The following RGS9 variants were observed in gnomAD, a reference collection of about 807,000 sequenced individuals.
The protein encoded by RGS9 is regulator of G-protein signalling 9.
Under a neutral mutation model 102.0 loss-of-function variants are expected in RGS9, and 78 were observed. The observed-to-expected ratio is 0.76, with a 90% confidence interval of 0.64 to 0.92. The LOEUF is 0.92. Ranked by LOEUF, RGS9 falls within the 40% of genes least tolerant of loss-of-function variation. The probability of loss-of-function intolerance (pLI) is 0.00; values close to 1 mark genes in which losing one functional copy is unlikely to be tolerated. For missense variants in RGS9, 833 were observed against 866.1 expected, an observed-to-expected ratio of 0.96 and a Z score of 0.48; for synonymous variants, 353 against 318.6, an observed-to-expected ratio of 1.11 and a Z score of -1.15.
intron 15 of RGS9, among the ~76,000 whole-genome samples, chr17:65,205,791 A>G (rs555590902): frequency 2.0e-5 from 3 of 151,926 alleles, no homozygotes; most frequent in Admixed American, 1.3e-4. Context: ...TGTGATATAG[A>G]TTATGTAATA....
chr17:65,181,836 G>A (rs954746994), intron 9 of RGS9, among the ~76,000 whole-genome samples: 1 of 152,224 alleles, frequency 6.6e-6, no homozygotes, highest in Non-Finnish European at 1.5e-5. Context: ...AGAGGATTAA[G>A]CAGGATCACT....
Position 65,197,119 on chromosome 17 carries a change from C to T in RGS9, c.861-7C>T, listed in dbSNP as rs1307536120. 1 of 1,606,972 alleles carries T rather than the reference C, an allele frequency of 6.2e-7. No individual in the cohort carries two copies. Among genetic ancestry groups the T allele is most frequent in the Admixed American group, 1.7e-5 (1 of 59,812 alleles). On this transcript the variant is annotated splice_region_variant and splice_polypyrimidine_tract_variant and intron_variant, in intron 12 of 18. Coordinates refer to ENST00000262406, the MANE Select transcript of RGS9 (RefSeq NM_003835.4). ...CTCTCTGGTGCATTTACAAATCATC[C>T]TTGCAGGGTGGAAATCCCAACCAAG...
intron 17 of RGS9, among the ~76,000 whole-genome samples, chr17:65,220,326 G>A (rs867217701): frequency 6.6e-6 from 1 of 152,226 alleles, no homozygotes; most frequent in East Asian, 1.9e-4. Flanking sequence ...ATATATTTGA[G>A]GGGAGGAGGG....
At chr17:65,149,263 C>T (rs1011195456) in intron 1 of RGS9, among the ~76,000 whole-genome samples, 2 of 152,132 alleles carry the variant, frequency 1.3e-5, no homozygotes, top group Non-Finnish European at 2.9e-5. Flanking sequence ...CATGAGCCAT[C>T]GCACCGGGCC....
At position 65,160,280 on chromosome 17, in the gene RGS9, C is replaced by T. The variant is rs780750424; in HGVS notation, c.253C>T (p.Pro85Ser). ...TATTGTCAGGTATGGCTACATTTAC[C>T]CCCTGCAAGACCCCAAGAATCTCAT... ...NFIVRYGYIY[P>S]LQDPKNLILK... The change falls in exon 4 of 19, where the codon CCC (proline) becomes TCC (serine). Residue 85 changes from proline (P) to serine (S), a missense_variant. Coordinates refer to ENST00000262406, the MANE Select transcript of RGS9 (RefSeq NM_003835.4). 6.2e-7 allele frequency: 1 copy of T among 1,614,198 alleles called. No homozygotes were observed. Among genetic ancestry groups the T allele is most frequent in the South Asian group, 1.1e-5 (1 of 91,080 alleles).
intron 17 of RGS9, among the ~76,000 whole-genome samples, chr17:65,212,656 G>A (rs943161739): frequency 6.6e-6 from 1 of 152,220 alleles, no homozygotes; most frequent in African/African-American, 2.4e-5. Context: ...GTTCTAAGGA[G>A]TCTGTGGTCA....
rs1911583272 is a variant in RGS9, at chr17:65,175,271, G to C, written c.583-2461G>C. On this transcript the variant is annotated intron_variant, in intron 8 of 18. Transcript: ENST00000262406. The stretch of plus-strand genomic sequence containing the variant: ...TGCATATGTATGTATGAGAGTGTGT[G>C]GGTGTGTGAGTGTGAGTGTGAGAGT... Among the ~76,000 whole-genome samples the C allele has an allele frequency of 2.0e-5, 3 of 152,076 alleles. No individual in the cohort carries two copies. The South Asian group carries it at 6.2e-4, about 32-fold the overall frequency.
intron 17 of RGS9, 69 bp downstream of exon 17, chr17:65,210,674 C>T (rs1362027186): frequency 2.5e-6 from 4 of 1,602,292 alleles, no homozygotes; most frequent in Non-Finnish European, 3.4e-6. Flanking sequence ...TCTGTGATTC[C>T]TGGGGGTGGG....
rs1910670234 is a variant in RGS9 at position 65,153,733 on chromosome 17, A to G, written c.154+215A>G. Among the ~76,000 whole-genome samples, 4 of 152,034 alleles carry G rather than the reference A, an allele frequency of 2.6e-5. No individual in the cohort carries two copies. The South Asian group carries it at 8.3e-4, about 32-fold the overall frequency. ...GGTGAAACCTTGTCTCTATTAAAAT[A>G]CAAAAAATTAGCTGGGCATGGTGGC... On this transcript the variant is annotated intron_variant, in intron 2 of 18. Transcript: ENST00000262406.
intron 8 of RGS9, among the ~76,000 whole-genome samples, chr17:65,174,369 G>T (rs1911534271): frequency 6.6e-6 from 1 of 152,172 alleles, no homozygotes; most frequent in Non-Finnish European, 1.5e-5. Context: ...GTGTGTGAGT[G>T]TGAGTGCATG....
chr17:65,195,456 T>C (rs536721737), intron 12 of RGS9, among the ~76,000 whole-genome samples: 2 of 152,276 alleles, frequency 1.3e-5, no homozygotes, highest in South Asian at 4.1e-4. Flanking sequence ...CAAATATATA[T>C]ATACACATAT....
rs1911510769 is a variant in RGS9 at position 65,173,790 on chromosome 17, G to C, written c.583-3942G>C. ...CAGAAACTGTGTCAGCAGCACTCTG[G>C]TGATGATCATAGTGGGTCAAAGACT... On this transcript the variant is annotated intron_variant, in intron 8 of 18. Coordinates refer to ENST00000262406, the MANE Select transcript of RGS9 (RefSeq NM_003835.4). The surrounding 1 kb of genome is among the most constrained non-coding windows in gnomAD (Gnocchi z 4.8). Among the ~76,000 whole-genome samples, 1 of 152,220 alleles carries C rather than the reference G, an allele frequency of 6.6e-6. No individual in the cohort carries two copies. Among genetic ancestry groups the C allele is most frequent in the African/African-American group, 2.4e-5 (1 of 41,450 alleles).
At chr17:65,219,799 A>G (rs1304406794) in intron 17 of RGS9, among the ~76,000 whole-genome samples, 1 of 152,092 alleles carries the variant, frequency 6.6e-6, no homozygotes, top group Non-Finnish European at 1.5e-5. Flanking sequence ...CACCATCATC[A>G]TTGTCACCAC....
intron 17 of RGS9, among the ~76,000 whole-genome samples, chr17:65,219,134 C>A (rs954765537): frequency 2.0e-5 from 3 of 152,224 alleles, no homozygotes; most frequent in Non-Finnish European, 4.4e-5. Context: ...AAGCTCTATG[C>A]AGCTCCTAGG....
At chr17:65,163,187 T>G (rs994921253) in intron 7 of RGS9, 98 bp downstream of exon 7, 1 of 606,650 alleles carries the variant, frequency 1.6e-6, no homozygotes, top group Admixed American at 3.7e-5. Context: ...TTTTTATTTT[T>G]TTTTTGAGAC....
At position 65,160,894 on chromosome 17, in the gene RGS9, G is replaced by A. The variant is rs756361472; in HGVS notation, c.408G>A (p.Leu136=). ...AKRNIKKKGI[L]EEYEKENYNF... is the part of the protein sequence containing the mutation. ...GAAATATCAAAAAGAAAGGGATTTT[G>A]GAAGAATATGAAAAGGTATGGAGGT... The change falls in exon 6 of 19, where the codon TTG becomes TTA. Residue 136 remains leucine (L), a synonymous_variant. Transcript: ENST00000262406. 23 of 1,613,578 alleles carry A rather than the reference G, an allele frequency of 1.4e-5. No homozygotes were observed. Among genetic ancestry groups the A allele is most frequent in the Non-Finnish European group, 1.9e-5 (22 of 1,179,566 alleles).
chr17:65,210,009 T>C (rs140195241), intron 16 of RGS9, among the ~76,000 whole-genome samples: 38 of 152,150 alleles, frequency 2.5e-4, no homozygotes, highest in Non-Finnish European at 4.4e-4. Flanking sequence ...ACCTGGGAGA[T>C]GGAGGTTGCA....
At chr17:65,193,112 A>G (rs367687013) in intron 11 of RGS9, among the ~76,000 whole-genome samples, 1 of 151,512 alleles carries the variant, frequency 6.6e-6, no homozygotes, top group African/African-American at 2.4e-5. Context: ...AATACAAAAA[A>G]AAAAAAAAAT....
At chr17:65,210,395 C>A in intron 16 of RGS9, 93 bp from the exon 17 acceptor site, 1 of 1,445,768 alleles carries the variant, frequency 6.9e-7, no homozygotes, top group Non-Finnish European at 9.7e-7. Flanking sequence ...AGATTCTGGA[C>A]CTTCCAGCCC....
Sources: gnomAD v4.1 joint callset for allele counts (sites outside exome capture counted in the v4.1 genomes callset) on GRCh38, gnomAD v4.1.1 for gene constraint, Gnocchi (gnomAD v3.1) non-coding constraint, MANE v1.5 for transcripts, NCBI Gene and HGNC (gene_info 2026-07-23, HGNC 2026-07-21) for gene names.